Variants in TRAK1 observed in about 807,000 individuals in gnomAD.
TRAK1 encodes trafficking kinesin protein 1, also known as trafficking kinesin-binding protein 1.
Under a neutral mutation model 92.1 loss-of-function variants are expected in TRAK1, and 33 were observed. That is an observed-to-expected ratio of 0.36 (90% CI 0.27 to 0.48). The LOEUF is 0.48. Ranked by LOEUF, TRAK1 falls within the 20% of genes least tolerant of loss-of-function variation. The pLI is 0.99. For synonymous variants in TRAK1, 521 were observed against 517.3 expected, an observed-to-expected ratio of 1.01 and a Z score of -0.10; for missense variants, 1,123 against 1,257.9, an observed-to-expected ratio of 0.89 and a Z score of 1.62.
At chr3:42,144,032 G>A (rs999072609) in intron 2 of TRAK1, among the ~76,000 whole-genome samples, 5 of 152,058 alleles carry the variant, frequency 3.3e-5, no homozygotes, top group Non-Finnish European at 5.9e-5. Flanking sequence ...TTGGATATGT[G>A]CAGCTTTGGA....
At chr3:42,193,329 A>C in intron 8 of TRAK1, 124 bp downstream of exon 8, 1 of 1,385,120 alleles carries the variant, frequency 7.2e-7, no homozygotes, top group Non-Finnish European at 9.6e-7. Context: ...GCCGCTTTGC[A>C]GAAAAAGCTT....
chr3:42,099,270 G>A (rs1379730120), intron 1 of TRAK1, among the ~76,000 whole-genome samples: 1 of 152,088 alleles, frequency 6.6e-6, no homozygotes, highest in South Asian at 2.1e-4. Flanking sequence ...ATGGGTGGAC[G>A]AGTGGGCATA....
chr3:42,163,722 AAC>A lies in TRAK1; in HGVS notation c.287-13090_287-13089del, dbSNP rs1197075194. On this transcript the variant is annotated intron_variant, in intron 2 of 15. Coordinates refer to ENST00000327628, the MANE Select transcript of TRAK1 (RefSeq NM_001042646.3). ...CTGTGCTAATCCACACCTCATAGAT[AAC>A]AGTGTATCTGCCTTATAATCGGATT... Among the ~76,000 whole-genome samples, 9 of 152,262 alleles carry A rather than the reference AAC, an allele frequency of 5.9e-5. No homozygotes were observed. In the South Asian group the frequency reaches 1.0e-3, roughly 18 times the overall value.
intron 2 of TRAK1, among the ~76,000 whole-genome samples, chr3:42,152,058 A>G (rs1700018770): frequency 6.6e-6 from 1 of 152,180 alleles, no homozygotes; most frequent in Non-Finnish European, 1.5e-5. Flanking sequence ...CCCTCTTTTG[A>G]AGTTGGAATT....
At chr3:42,025,934 T>C (rs963928655) in intron 1 of TRAK1, among the ~76,000 whole-genome samples, 2 of 152,238 alleles carry the variant, frequency 1.3e-5, no homozygotes, top group Non-Finnish European at 2.9e-5. Context: ...TTCCATGAAA[T>C]GCATCACTAT....
chr3:42,121,962 C>G (rs555011921), intron 1 of TRAK1, among the ~76,000 whole-genome samples: 1 of 152,030 alleles, frequency 6.6e-6, no homozygotes, highest in African/African-American at 2.4e-5. Flanking sequence ...GGATTACCAG[C>G]GTGCGCCGCT....
intron 1 of TRAK1, among the ~76,000 whole-genome samples, chr3:42,027,063 T>A (rs1419374580): frequency 6.6e-6 from 1 of 152,242 alleles, no homozygotes; most frequent in Non-Finnish European, 1.5e-5. Context: ...TGTTTCCTAC[T>A]GTTTATTTCA....
intron 2 of TRAK1, chr3:42,146,417 C>T: frequency 5.0e-6 from 1 of 199,512 alleles, no homozygotes; most frequent in Admixed American, 5.3e-5. Flanking sequence ...TTTTTAATGC[C>T]TTTACTGGTT....
intron 12 of TRAK1, 102 bp downstream of exon 12, chr3:42,201,156 T>C (rs1707491988): frequency 6.3e-6 from 8 of 1,270,076 alleles, no homozygotes; most frequent in Non-Finnish European, 9.0e-6. Flanking sequence ...TAGATGAGAG[T>C]CACCTGAAAA....
At chr3:42,042,916 G>A (rs913446351) in intron 1 of TRAK1, among the ~76,000 whole-genome samples, 12 of 151,952 alleles carry the variant, frequency 7.9e-5, no homozygotes, top group Admixed American at 1.3e-4. Context: ...TGGTCTGGAC[G>A]TGTGGCTAAT....
intron 1 of TRAK1, among the ~76,000 whole-genome samples, chr3:42,023,904 G>A (rs528296345): frequency 1.3e-5 from 2 of 151,842 alleles, no homozygotes; most frequent in African/African-American, 2.4e-5. Context: ...ACAGGCGCCT[G>A]CCACCACGCC....
At chr3:42,210,449 C>T (rs1230400555) in intron 14 of TRAK1, 2 of 1,251,972 alleles carry the variant, frequency 1.6e-6, no homozygotes, top group Admixed American at 3.9e-5. Context: ...TCCCTGAAAA[C>T]ATCAGTGCCC....
At position 42,167,869 on chromosome 3, in the gene TRAK1, A is replaced by G. The variant is rs575961228; in HGVS notation, c.287-8945A>G. ...CACTCCAGCCTGGGCGTCACAGCCG[A>G]CACTCCATCTCAAAAACAACAGCAA... On this transcript the variant is annotated intron_variant, in intron 2 of 15. Transcript: ENST00000327628. Among the ~76,000 whole-genome samples, 45 of 152,284 alleles carry G rather than the reference A, an allele frequency of 3.0e-4. No homozygotes were observed. The South Asian group carries it at 4.6e-3, about 15-fold the overall frequency.
At chr3:42,203,039 C>CCTT (rs1317277671) in intron 13 of TRAK1, 1 of 1,240,956 alleles carries the variant, frequency 8.1e-7, no homozygotes, top group Non-Finnish European at 1.0e-6. Context: ...GCCTTTAGAA[C>CCTT]CTTAGAAATA....
At chr3:42,097,683 C>T (rs1706137691) in intron 1 of TRAK1, among the ~76,000 whole-genome samples, 1 of 152,238 alleles carries the variant, frequency 6.6e-6, no homozygotes, top group African/African-American at 2.4e-5. Context: ...TTCCATCCCT[C>T]ATGTAGCACA....
upstream of TRAK1, among the ~76,000 whole-genome samples, chr3:42,089,079 T>G (rs926239550): frequency 6.6e-6 from 1 of 152,174 alleles, no homozygotes; most frequent in Non-Finnish European, 1.5e-5. Context: ...TGACCAAAAA[T>G]GAGCTCCTGG....
At chr3:42,222,773 G>A (rs1358144795) in intron 15 of TRAK1, among the ~76,000 whole-genome samples, 169 bp from the exon 16 acceptor site, 1 of 152,186 alleles carries the variant, frequency 6.6e-6, no homozygotes, top group Non-Finnish European at 1.5e-5. Flanking sequence ...TCCCTTGAAG[G>A]GTGAGAGGGA....
intron 2 of TRAK1, among the ~76,000 whole-genome samples, chr3:42,128,445 A>AT (rs1304829726): frequency 6.6e-6 from 1 of 152,200 alleles, no homozygotes; most frequent in Non-Finnish European, 1.5e-5. Context: ...CAACATAGCT[A>AT]TTTCCTAAAT....
chr3:42,090,249 A>G (rs1470779698), upstream of TRAK1, among the ~76,000 whole-genome samples: 1 of 152,234 alleles, frequency 6.6e-6, no homozygotes, highest in Admixed American at 6.5e-5. Context: ...AACCGCATCT[A>G]CATTTGTCCA....
Sources: allele counts gnomAD v4.1 joint callset (sites outside exome capture counted in the v4.1 genomes callset), GRCh38; gene constraint gnomAD v4.1.1; transcripts MANE v1.5; gene names NCBI Gene and HGNC (gene_info 2026-07-23, HGNC 2026-07-21).